Variants in ZNF804B observed in about 807,000 individuals in gnomAD.
ZNF804B encodes zinc finger 804B.
ZNF804B carries 80 observed loss-of-function variants against 101.4 expected under a neutral mutation model. The ratio of observed to expected loss-of-function variants is 0.79; its 90% CI spans 0.66 to 0.95. The LOEUF (loss-of-function observed/expected upper bound fraction) is 0.95, where lower values mean the gene tolerates loss of function less well. ZNF804B is among the 40% of genes least tolerant of loss of function. ZNF804B has a pLI of 0.00. For synonymous variants in ZNF804B, 622 were observed against 558.8 expected, an observed-to-expected ratio of 1.11 and a Z score of -1.59; for missense variants, 1,673 against 1,561.9, an observed-to-expected ratio of 1.07 and a Z score of -1.20.
intron 1 of ZNF804B, among the ~76,000 whole-genome samples, chr7:88,993,672 G>A (rs576994488): frequency 1.3e-5 from 2 of 151,952 alleles, no homozygotes; most frequent in East Asian, 3.9e-4. Flanking sequence ...TTTAAAATAT[G>A]TGAAAATTCA....
intron 1 of ZNF804B, among the ~76,000 whole-genome samples, chr7:89,091,094 T>A (rs1198121005): frequency 6.6e-6 from 1 of 152,114 alleles, no homozygotes. Context: ...CTTCATTTTT[T>A]ATCAGTAAAT....
chr7:89,008,704 A>G (rs2116188387), intron 1 of ZNF804B, among the ~76,000 whole-genome samples: 1 of 152,190 alleles, frequency 6.6e-6, no homozygotes, highest in South Asian at 2.1e-4. Context: ...TATTGAGACC[A>G]TCTGGCATGA....
At chr7:88,766,088 C>T (rs1394440841) in intron 1 of ZNF804B, among the ~76,000 whole-genome samples, 1 of 152,058 alleles carries the variant, frequency 6.6e-6, no homozygotes. Context: ...CCCTTGAAGC[C>T]AGAGCTTGAA....
chr7:89,259,661 T>C (rs914512717), intron 2 of ZNF804B, among the ~76,000 whole-genome samples: 1 of 152,148 alleles, frequency 6.6e-6, no homozygotes, highest in Non-Finnish European at 1.5e-5. Context: ...GTTGAGCTCA[T>C]GAAGTTCTGG....
chr7:89,010,267 A>G (rs1424474761), intron 1 of ZNF804B, among the ~76,000 whole-genome samples: 1 of 152,206 alleles, frequency 6.6e-6, no homozygotes, highest in Non-Finnish European at 1.5e-5. Context: ...GCATTGCTAT[A>G]GGATTCACAG....
At chr7:88,854,527 T>TTCCC (rs1554340248) in intron 1 of ZNF804B, among the ~76,000 whole-genome samples, 14 of 40,064 alleles carry the variant, frequency 3.5e-4, no homozygotes, top group East Asian at 1.1e-3. Context: ...CTTTCCTTCC[T>TTCCC]TTCCTTCCTT....
chr7:89,074,068 G>A (rs1789581094), intron 1 of ZNF804B, among the ~76,000 whole-genome samples: 1 of 152,064 alleles, frequency 6.6e-6, no homozygotes, highest in African/African-American at 2.4e-5. Flanking sequence ...TGAGAAATGG[G>A]GAAGGTAAAG....
chr7:89,084,707 A>G (rs1233620703), intron 1 of ZNF804B, among the ~76,000 whole-genome samples: 2 of 152,006 alleles, frequency 1.3e-5, no homozygotes, highest in Non-Finnish European at 2.9e-5. Context: ...AAATGTTTAG[A>G]TAACAATAGT....
chr7:89,119,775 G>A lies in ZNF804B; in HGVS notation c.109-98380G>A, dbSNP rs1312239933. 6.6e-5 allele frequency among the ~76,000 whole-genome samples: 10 copies of A among 152,134 alleles called. No homozygotes were observed. The East Asian group carries it at 1.9e-3, about 29-fold the overall frequency. On this transcript the variant is annotated intron_variant, in intron 1 of 3. Transcript: ENST00000333190. The stretch of plus-strand genomic sequence containing the variant: ...AACTCAGGTAGAACCAACTAGCCTT[G>A]TTTGATAATCCTGGCATGGAAAGTT...
At chr7:88,883,267 A>G (rs572634666) in intron 1 of ZNF804B, among the ~76,000 whole-genome samples, 4 of 152,248 alleles carry the variant, frequency 2.6e-5, no homozygotes, top group African/African-American at 9.6e-5. Flanking sequence ...AGGGAACTCC[A>G]GAGACTGCAT....
intron 2 of ZNF804B, among the ~76,000 whole-genome samples, chr7:89,260,485 T>G (rs1409755813): frequency 1.3e-5 from 2 of 152,204 alleles, no homozygotes; most frequent in Non-Finnish European, 2.9e-5. Context: ...CCCTGCTGTC[T>G]TGACATTTTG....
intron 1 of ZNF804B, among the ~76,000 whole-genome samples, chr7:89,095,862 A>G (rs1008589036): frequency 1.3e-5 from 2 of 152,110 alleles, no homozygotes; most frequent in African/African-American, 2.4e-5. Context: ...GTGCATCTCT[A>G]TAGAACTGAG....
At chr7:88,807,346 A>G (rs182914009) in intron 1 of ZNF804B, among the ~76,000 whole-genome samples, 188 of 152,330 alleles carry the variant, frequency 1.2e-3, no homozygotes, top group Non-Finnish European at 1.5e-3. Flanking sequence ...GTTATAAAAA[A>G]TAAAATTAAA....
intron 1 of ZNF804B, among the ~76,000 whole-genome samples, chr7:89,200,545 T>C (rs113007955): frequency 1.3e-3 from 196 of 152,120 alleles, no homozygotes; most frequent in African/African-American, 4.3e-3. Context: ...AAGGTGAAGA[T>C]TGATACAACA....
intron 1 of ZNF804B, among the ~76,000 whole-genome samples, chr7:88,918,182 T>A (rs1792663187): frequency 1.3e-5 from 2 of 152,112 alleles, no homozygotes; most frequent in African/African-American, 4.8e-5. Context: ...AAGGACTAGA[T>A]AAACAGTGAG....
chr7:89,288,638 C>T (rs1418429238), intron 2 of ZNF804B, among the ~76,000 whole-genome samples: 2 of 152,122 alleles, frequency 1.3e-5, no homozygotes, highest in Non-Finnish European at 1.5e-5. Flanking sequence ...CATAATTTGA[C>T]ACTCAGATGA....
At chr7:89,140,089 G>A (rs1394172735) in intron 1 of ZNF804B, among the ~76,000 whole-genome samples, 1 of 151,998 alleles carries the variant, frequency 6.6e-6, no homozygotes, top group Non-Finnish European at 1.5e-5. Context: ...TAATCTTGTA[G>A]AGATCCACCA....
intron 1 of ZNF804B, among the ~76,000 whole-genome samples, chr7:88,903,767 C>T (rs2189747): frequency 0.55 from 83,965 of 151,906 alleles, 26,841 homozygotes; most frequent in African/African-American, 0.87. Flanking sequence ...GAGAAGTATC[C>T]GTCCATGCCC....
intron 1 of ZNF804B, among the ~76,000 whole-genome samples, chr7:89,010,224 A>G (rs1262062542): frequency 6.8e-6 from 1 of 147,708 alleles, no homozygotes; most frequent in African/African-American, 2.6e-5. Flanking sequence ...TTTAAATTTA[A>G]TTTCATAACT....
Sources: allele counts gnomAD v4.1 joint callset (sites outside exome capture counted in the v4.1 genomes callset), GRCh38; gene constraint gnomAD v4.1.1; transcripts MANE v1.5; gene names NCBI Gene and HGNC (gene_info 2026-07-23, HGNC 2026-07-21).